Variants in NRG1 observed in about 807,000 individuals in gnomAD.
NRG1 encodes the protein pro-neuregulin-1, membrane-bound isoform.
A neutral mutation model predicts 63.8 loss-of-function variants in NRG1; 18 were observed. The ratio of observed to expected loss-of-function variants is 0.28; its 90% CI spans 0.19 to 0.42. The LOEUF is 0.42. Among genes scored for constraint, NRG1 ranks in the 10% least tolerant of loss-of-function variants. The pLI, the probability that NRG1 is intolerant of heterozygous loss-of-function variation, is 1.00. For missense variants in NRG1, 762 were observed against 814.7 expected (o/e 0.94, Z 0.79); for synonymous variants, 302 against 301.3 (o/e 1.00, Z -0.02).
At chr8:31,653,474 C>T (rs913748816) in intron 1 of NRG1, among the ~76,000 whole-genome samples, 6 of 152,120 alleles carry the variant, frequency 3.9e-5, no homozygotes, top group South Asian at 2.1e-4. Context: ...TAACTAACAC[C>T]GAGGCATAGC....
intron 5 of NRG1, among the ~76,000 whole-genome samples, chr8:32,726,391 T>C (rs1043124085): frequency 3.3e-5 from 5 of 152,124 alleles, no homozygotes; most frequent in African/African-American, 1.2e-4. Flanking sequence ...AGAGTGCCAT[T>C]ACCCCTCTTT....
intron 1 of NRG1, among the ~76,000 whole-genome samples, chr8:32,064,617 G>C (rs571422761): frequency 7.2e-5 from 11 of 152,166 alleles, no homozygotes; most frequent in Non-Finnish European, 1.2e-4. Context: ...CTTTTTCATT[G>C]AGAAATGTAT....
Position 32,582,525 on chromosome 8 carries a change from T to C in NRG1, c.101-13303T>C, listed in dbSNP as rs183906824. 2.0e-3 allele frequency among the ~76,000 whole-genome samples: 305 copies of C among 152,360 alleles called. 4 individuals are homozygous for C. The highest frequency in any genetic ancestry group is 6.0e-4 in the Non-Finnish European group (41 of 68,042). On this transcript the variant is annotated intron_variant, in intron 1 of 11. Coordinates refer to ENST00000356819, the Ensembl canonical transcript of NRG1. ...TTGATGCTTATTGTGTGTGTGACAGTATCCTATTCAAAGTATGGGATACAG... is the reference window on the plus strand; with the variant it reads ...TTGATGCTTATTGTGTGTGTGACAGCATCCTATTCAAAGTATGGGATACAG...
chr8:32,500,137 G>A (rs1755373569), intron 1 of NRG1, among the ~76,000 whole-genome samples: 1 of 152,150 alleles, frequency 6.6e-6, no homozygotes, highest in Admixed American at 6.5e-5. Context: ...AACTTGGCCA[G>A]ATTATTTACA....
chr8:32,312,164 T>TG (rs1554504654), intron 1 of NRG1, among the ~76,000 whole-genome samples: 4 of 130,322 alleles, frequency 3.1e-5, no homozygotes, highest in African/African-American at 1.2e-4. Context: ...TTTGTTTTTT[T>TG]TTTTTTTTTT....
intron 1 of NRG1, among the ~76,000 whole-genome samples, chr8:32,494,515 C>T (rs990517698): frequency 5.9e-5 from 9 of 152,104 alleles, no homozygotes; most frequent in Admixed American, 1.3e-4. Flanking sequence ...CCATCTCACT[C>T]GGGGGAGGGG....
chr8:32,756,676 T>C (rs749952241), intron 9 of NRG1, 147 bp downstream of exon 9: 44 of 1,152,246 alleles, frequency 3.8e-5, no homozygotes, highest in Non-Finnish European at 5.1e-5. Flanking sequence ...CAGGAGAAAA[T>C]AATGGGAACA....
intron 1 of NRG1, among the ~76,000 whole-genome samples, chr8:31,844,026 A>G (rs953911151): frequency 6.6e-6 from 1 of 152,158 alleles, no homozygotes; most frequent in African/African-American, 2.4e-5. Flanking sequence ...CCTATTATCA[A>G]CTCAATTCTC....
chr8:32,026,158 TA>T (rs1817327517), intron 1 of NRG1: 1 of 150,708 alleles, frequency 6.6e-6, no homozygotes, highest in African/African-American at 2.4e-5. Flanking sequence ...AAGCTCCGCC[TA>T]CCAGATTCAC....
chr8:32,206,544 A>C (rs80180773), intron 1 of NRG1, among the ~76,000 whole-genome samples: 6,437 of 152,338 alleles, frequency 0.042, 204 homozygotes, highest in Middle Eastern at 0.092. Context: ...TCTTAGAGAT[A>C]CTAATACTTA....
chr8:31,913,525 T>C (rs772753759), intron 1 of NRG1, among the ~76,000 whole-genome samples: 8 of 152,146 alleles, frequency 5.3e-5, no homozygotes, highest in Non-Finnish European at 1.0e-4. Context: ...TTTTTACATA[T>C]CTAGTGATTG....
intron 1 of NRG1, among the ~76,000 whole-genome samples, chr8:32,508,513 G>T (rs927643951): frequency 2.6e-5 from 4 of 151,220 alleles, no homozygotes; most frequent in Admixed American, 6.6e-5. Flanking sequence ...TGGCCAGGCT[G>T]GTCTTGAATG....
At chr8:31,715,648 A>T (rs939195662) in intron 1 of NRG1, among the ~76,000 whole-genome samples, 3 of 152,196 alleles carry the variant, frequency 2.0e-5, no homozygotes, top group African/African-American at 7.2e-5. Flanking sequence ...TATTATAACC[A>T]GTTGGCACCA....
intron 1 of NRG1, among the ~76,000 whole-genome samples, chr8:32,172,125 C>G (rs1840135611): frequency 6.6e-6 from 1 of 152,152 alleles, no homozygotes; most frequent in African/African-American, 2.4e-5. Flanking sequence ...CCTCCCACAG[C>G]CAGGTACTCC....
At chr8:31,668,593 C>A (rs1427156653) in intron 1 of NRG1, among the ~76,000 whole-genome samples, 1 of 152,148 alleles carries the variant, frequency 6.6e-6, no homozygotes, top group Non-Finnish European at 1.5e-5. Flanking sequence ...AAATTGAAGA[C>A]TAGATATTTG....
Position 32,072,122 on chromosome 8 carries a change from G to A in NRG1, c.37+432691G>A, listed in dbSNP as rs146218243. ...AAACAGTATACAGAATATGACTCTC[G>A]CCATTAAATAAACTTAAGCAAGGTA... On this transcript the variant is annotated intron_variant, in intron 1 of 10. Coordinates refer to the NRG1 transcript ENST00000519301. Among the ~76,000 whole-genome samples the A allele has an allele frequency of 6.6e-5, 10 of 151,768 alleles. No homozygotes were observed. In the East Asian group the frequency reaches 9.7e-4, roughly 15 times the overall value.
intron 1 of NRG1, among the ~76,000 whole-genome samples, chr8:32,196,151 G>GTA (rs1842933834): frequency 2.6e-5 from 4 of 151,458 alleles, no homozygotes; most frequent in African/African-American, 9.7e-5. Flanking sequence ...GTGTGTGTGT[G>GTA]TATTGGAAAG....
At chr8:32,462,783 G>T (rs1822487620) in intron 1 of NRG1, among the ~76,000 whole-genome samples, 1 of 151,190 alleles carries the variant, frequency 6.6e-6, no homozygotes, top group African/African-American at 2.4e-5. Context: ...TTTATATTTT[G>T]GGTAGAGACA....
intron 1 of NRG1, among the ~76,000 whole-genome samples, chr8:32,353,255 CA>C (rs2129479962): frequency 6.7e-6 from 1 of 149,672 alleles, no homozygotes; most frequent in East Asian, 2.0e-4. Context: ...TATTATGATA[CA>C]ATTATATTAA....
Sources: gnomAD v4.1 joint callset for allele counts (sites outside exome capture counted in the v4.1 genomes callset) on GRCh38, gnomAD v4.1.1 for gene constraint, MANE v1.5 for transcripts, NCBI Gene and HGNC (gene_info 2026-07-23, HGNC 2026-07-21) for gene names.